The following GRAMD1C variants were observed in gnomAD, a reference collection of about 807,000 sequenced individuals.
GRAMD1C encodes GRAM domain containing 1C, also known as protein Aster-C.
Under a neutral mutation model 97.8 loss-of-function variants are expected in GRAMD1C, and 89 were observed. The ratio of observed to expected loss-of-function variants is 0.91; its 90% CI spans 0.77 to 1.09. GRAMD1C has a LOEUF of 1.09. Among genes scored for constraint, GRAMD1C ranks in the 50% least tolerant of loss-of-function variants. The probability of loss-of-function intolerance (pLI) is 0.00; values close to 1 mark genes in which losing one functional copy is unlikely to be tolerated. For synonymous variants in GRAMD1C, 256 were observed against 267.0 expected (o/e 0.96, Z 0.40); for missense variants, 740 against 766.4 (o/e 0.97, Z 0.41).
In GRAMD1C at chr3:113,937,742, C is replaced by T. The variant is rs559075006; in HGVS notation, c.1634-344C>T. 5.3e-5 allele frequency among the ~76,000 whole-genome samples: 8 copies of T among 152,286 alleles called. No homozygotes were observed. In the South Asian group the frequency reaches 1.2e-3, roughly 24 times the overall value. ...GTTGAGGGCTGGGTGCGGTGGCTCACGCCTGTAATCCCAGCACTTTGAAAG... is the reference window on the plus strand; with the variant it reads ...GTTGAGGGCTGGGTGCGGTGGCTCATGCCTGTAATCCCAGCACTTTGAAAG... On this transcript the variant is annotated intron_variant, in intron 14 of 17. Transcript: ENST00000358160.
chr3:113,942,743 T>C (rs77996959), intron 17 of GRAMD1C, among the ~76,000 whole-genome samples: 3,461 of 152,328 alleles, frequency 0.023, 97 homozygotes, highest in East Asian at 0.12. Flanking sequence ...TGTTTTATCC[T>C]GCACGGAAAA....
rs1386561020 is a variant in GRAMD1C at position 113,884,702 on chromosome 3, G to GTGGGCGGCTAAATTA, written c.540+1870_540+1871insTGGGCGGCTAAATTA. ...AAAATACAAAAAATTAGCTGGGCGT[G>GTGGGCGGCTAAATTA]GTGGCGGGCACCTGTAGTCCCAGCT... On this transcript the variant is annotated intron_variant, in intron 6 of 17. Transcript: ENST00000358160. Among the ~76,000 whole-genome samples, 18 of 152,094 alleles carry GTGGGCGGCTAAATTA rather than the reference G, an allele frequency of 1.2e-4. No homozygotes were observed. In the South Asian group the frequency reaches 2.1e-3, roughly 18 times the overall value.
At chr3:113,877,619 TGGA>T (rs767805676) in intron 5 of GRAMD1C, among the ~76,000 whole-genome samples, 1 of 152,232 alleles carries the variant, frequency 6.6e-6, no homozygotes, top group Non-Finnish European at 1.5e-5. Flanking sequence ...AAGAAATACA[TGGA>T]AATGATGCTC....
intron 1 of GRAMD1C, among the ~76,000 whole-genome samples, chr3:113,839,972 G>A (rs1003258503): frequency 6.6e-6 from 1 of 151,988 alleles, no homozygotes; most frequent in African/African-American, 2.4e-5. Context: ...ACACCATGAG[G>A]TTGGAGTAGA....
At chr3:113,835,468 A>G (rs1253839503), upstream of GRAMD1C, among the ~76,000 whole-genome samples, 1 of 152,216 alleles carries the variant, frequency 6.6e-6, no homozygotes, top group Admixed American at 6.5e-5. Context: ...TACCATGGAG[A>G]ACCATGAGGA....
intron 2 of GRAMD1C, among the ~76,000 whole-genome samples, chr3:113,851,093 C>A (rs867768769): frequency 2.6e-5 from 4 of 152,200 alleles, no homozygotes; most frequent in African/African-American, 7.2e-5. Context: ...TGAGCCACTG[C>A]ACCCGGCCTA....
chr3:113,922,078 T>C (rs898461712), intron 10 of GRAMD1C, among the ~76,000 whole-genome samples: 1 of 151,972 alleles, frequency 6.6e-6, no homozygotes, highest in African/African-American at 2.4e-5. Flanking sequence ...TTCTTTCTTT[T>C]TTTTTTCTTT....
intron 2 of GRAMD1C, chr3:113,850,230 T>C: frequency 1.7e-6 from 1 of 577,180 alleles, no homozygotes; most frequent in East Asian, 4.1e-5. Context: ...AATAATACTC[T>C]CCAGTTTTAC....
chr3:113,939,047 A>G (rs1937641213), intron 15 of GRAMD1C: 1 of 152,190 alleles, frequency 6.6e-6, no homozygotes, highest in Non-Finnish European at 1.5e-5. Context: ...GTTTACTCAA[A>G]AGTTGGAATA....
intron 1 of GRAMD1C, among the ~76,000 whole-genome samples, chr3:113,842,924 C>T (rs544291441): frequency 6.6e-6 from 1 of 151,562 alleles, no homozygotes; most frequent in African/African-American, 2.4e-5. Flanking sequence ...GATCACGCCA[C>T]TGCACTCGAG....
rs184326177 is a variant in GRAMD1C at position 113,922,115 on chromosome 3, C to A, written c.1090+6277C>A. 5.3e-4 allele frequency among the ~76,000 whole-genome samples: 81 copies of A among 151,956 alleles called. No individual in the cohort carries two copies. The East Asian group carries it at 0.015, about 29-fold the overall frequency. On this transcript the variant is annotated intron_variant, in intron 10 of 17. Transcript: ENST00000358160. ...TCGAGATAGGGTCTCACTGTGTCAC[C>A]CAGGCTGGAGTACAGTGGCGCAAAC...
Position 113,945,419 on chromosome 3 carries a change from C to A in GRAMD1C, c.1930C>A (p.Leu644Ile). Residue 644 changes from leucine (L) to isoleucine (I), a missense_variant, in exon 18 of 18, where the codon CTT becomes ATT. Coordinates refer to ENST00000358160, the MANE Select transcript of GRAMD1C (RefSeq NM_017577.5). Reference protein sequence around the residue: ...LEQLKSSLIMLQKTFDLLNKN... With the variant: ...LEQLKSSLIMIQKTFDLLNKN... ...ACAGCTGAAGAGCTCACTCATTATG[C>A]TTCAGAAAACGTTTGATCTACTAAA... 6.3e-7 allele frequency: 1 copy of A among 1,591,938 alleles called. No homozygotes were observed. Among genetic ancestry groups the A allele is most frequent in the Non-Finnish European group, 8.6e-7 (1 of 1,160,840 alleles).
chr3:113,895,517 C>G (rs1049290119), intron 6 of GRAMD1C, among the ~76,000 whole-genome samples: 4 of 152,086 alleles, frequency 2.6e-5, no homozygotes, highest in African/African-American at 9.7e-5. Context: ...ATCAAATCCC[C>G]TTGTTCTTTT....
At chr3:113,913,746 AAAATCTTGGACTTGTCATATGTATT>A (rs1210225334) in intron 9 of GRAMD1C, among the ~76,000 whole-genome samples, 3 of 152,204 alleles carry the variant, frequency 2.0e-5, no homozygotes, top group Non-Finnish European at 4.4e-5. Flanking sequence ...AGCACGTTCC[AAAATCTTGGACTTGTCATATGTATT>A]AAATGGGTAA....
intron 2 of GRAMD1C, among the ~76,000 whole-genome samples, chr3:113,859,965 T>A (rs779688504): frequency 6.6e-6 from 1 of 152,222 alleles, no homozygotes; most frequent in Non-Finnish European, 1.5e-5. Flanking sequence ...GTGAACATCC[T>A]TAACATGAAA....
chr3:113,871,396 G>A (rs1005668903), intron 3 of GRAMD1C, among the ~76,000 whole-genome samples: 2 of 151,752 alleles, frequency 1.3e-5, no homozygotes, highest in African/African-American at 4.8e-5. Context: ...GGTTGGGTGT[G>A]GTGGCTCATG....
chr3:113,944,990 T>G (rs1937999162), intron 17 of GRAMD1C, among the ~76,000 whole-genome samples: 1 of 151,824 alleles, frequency 6.6e-6, no homozygotes, highest in African/African-American at 2.4e-5. Flanking sequence ...ACATGAAGAG[T>G]GTGAATATGA....
rs542676310 is a variant in GRAMD1C, at chr3:113,893,725, A to G, written c.541-7306A>G. ...TGGGTTTAGGCCTTTGTCAAAGTAA[A>G]TATTGCGCTTCCCTTACTCTCAAAA... On this transcript the variant is annotated intron_variant, in intron 6 of 17. Coordinates refer to ENST00000358160, the MANE Select transcript of GRAMD1C (RefSeq NM_017577.5). Among the ~76,000 whole-genome samples the G allele has an allele frequency of 4.0e-4, 61 of 152,338 alleles. 2 individuals carry two copies. In the South Asian group the frequency reaches 0.012, roughly 31 times the overall value.
intron 9 of GRAMD1C, among the ~76,000 whole-genome samples, chr3:113,915,011 G>C (rs1304538014): frequency 6.6e-6 from 1 of 152,178 alleles, no homozygotes; most frequent in Non-Finnish European, 1.5e-5. Flanking sequence ...GAATAGGTGA[G>C]CAAGATATTG....
Sources: allele counts gnomAD v4.1 joint callset (sites outside exome capture counted in the v4.1 genomes callset), GRCh38; gene constraint gnomAD v4.1.1; transcripts MANE v1.5; gene names NCBI Gene and HGNC (gene_info 2026-07-23, HGNC 2026-07-21).